RASGRF2: variants seen among roughly 807,000 people sequenced by gnomAD.
The protein encoded by RASGRF2 is Ras protein specific guanine nucleotide releasing factor 2.
In RASGRF2, 76 loss-of-function variants were observed where a neutral mutation model predicts 151.0. The ratio of observed to expected loss-of-function variants is 0.50; its 90% CI spans 0.42 to 0.61. The LOEUF (loss-of-function observed/expected upper bound fraction) is 0.61. Ranked by LOEUF, RASGRF2 falls within the 20% of genes least tolerant of loss-of-function variation. The pLI is 0.00. For missense variants in RASGRF2, 1,148 were observed against 1,564.6 expected, an observed-to-expected ratio of 0.73 and a Z score of 4.49; for synonymous variants, 504 against 566.5, an observed-to-expected ratio of 0.89 and a Z score of 1.57.
intron 1 of RASGRF2, among the ~76,000 whole-genome samples, chr5:81,033,327 C>G (rs1164846484): frequency 7.1e-6 from 1 of 140,006 alleles, no homozygotes; most frequent in Non-Finnish European, 1.6e-5. Flanking sequence ...CAAAAAAGAG[C>G]CTGCATTGCC....
intron 17 of RASGRF2, among the ~76,000 whole-genome samples, chr5:81,152,796 T>C (rs1377732883): frequency 1.3e-5 from 2 of 152,232 alleles, no homozygotes; most frequent in African/African-American, 2.4e-5. Context: ...ACAGTGGGTG[T>C]CTATGGCATT....
chr5:81,045,693 C>A (rs1000496766), intron 2 of RASGRF2, among the ~76,000 whole-genome samples: 18 of 138,158 alleles, frequency 1.3e-4, no homozygotes, highest in African/African-American at 4.5e-4. Flanking sequence ...TTGATAATTT[C>A]TTTTAATCTG....
At chr5:81,082,828 T>C (rs1752124391) in intron 7 of RASGRF2, among the ~76,000 whole-genome samples, 1 of 152,234 alleles carries the variant, frequency 6.6e-6, no homozygotes, top group Non-Finnish European at 1.5e-5. Flanking sequence ...GAGCCAGAAT[T>C]GTCCAACTGC....
At chr5:81,206,217 T>C (rs1335462082) in intron 19 of RASGRF2, among the ~76,000 whole-genome samples, 12 of 151,018 alleles carry the variant, frequency 7.9e-5, no homozygotes, top group Non-Finnish European at 2.9e-5. Context: ...ATCATTTATT[T>C]TTTTAAAAGA....
At chr5:81,059,462 A>G (rs1205700590) in intron 2 of RASGRF2, among the ~76,000 whole-genome samples, 1 of 151,438 alleles carries the variant, frequency 6.6e-6, no homozygotes, top group Non-Finnish European at 1.5e-5. Context: ...GGAAAACCTG[A>G]GACTTTCTAT....
intron 17 of RASGRF2, among the ~76,000 whole-genome samples, chr5:81,178,800 GCC>G (rs1754842325): frequency 1.3e-5 from 2 of 152,024 alleles, no homozygotes; most frequent in Non-Finnish European, 2.9e-5. Context: ...GTGCAGTGGC[GCC>G]GTCTTGGCTC....
chr5:81,087,300 G>A lies in RASGRF2; in HGVS notation c.1390+347G>A, dbSNP rs762845388. 6 of 703,078 alleles carry A rather than the reference G, an allele frequency of 8.5e-6. No individual in the cohort carries two copies. In the South Asian group the frequency reaches 8.9e-5, roughly 10 times the overall value. The allele number at this position is 703,078 out of a possible 1,614,324, so 43.6% of individuals were successfully genotyped here. On this transcript the variant is annotated intron_variant, in intron 9 of 26. Coordinates refer to ENST00000265080, the MANE Select transcript of RASGRF2 (RefSeq NM_006909.3). ...CAAGTGCTGACGATACCCAGGCCAA[G>A]GCCCAGGAGAAACTTGCGTTGCTCA...
intron 2 of RASGRF2, among the ~76,000 whole-genome samples, chr5:81,047,946 C>A (rs752623743): frequency 3.9e-5 from 6 of 152,160 alleles, no homozygotes; most frequent in Non-Finnish European, 8.8e-5. Flanking sequence ...TGCTTGTGGT[C>A]TCATCCTTGG....
intron 1 of RASGRF2, among the ~76,000 whole-genome samples, chr5:81,041,941 A>G (rs1373526005): frequency 6.6e-6 from 1 of 152,206 alleles, no homozygotes; most frequent in African/African-American, 2.4e-5. Flanking sequence ...AATCATATAT[A>G]GTATGTAACC....
At chr5:81,013,506 G>A (rs1005838839) in intron 1 of RASGRF2, among the ~76,000 whole-genome samples, 2 of 151,948 alleles carry the variant, frequency 1.3e-5, no homozygotes, top group Admixed American at 6.6e-5. Flanking sequence ...TAGACACGGA[G>A]CTCATGCACA....
At chr5:81,018,839 G>A (rs1399651792) in intron 1 of RASGRF2, among the ~76,000 whole-genome samples, 2 of 141,568 alleles carry the variant, frequency 1.4e-5, no homozygotes, top group Admixed American at 7.4e-5. Flanking sequence ...GTCTCACTGT[G>A]TCACCCAGGC....
intron 18 of RASGRF2, among the ~76,000 whole-genome samples, chr5:81,184,908 C>T (rs1385834825): frequency 1.3e-5 from 2 of 152,226 alleles, no homozygotes; most frequent in African/African-American, 4.8e-5. Context: ...TGCCCACTAA[C>T]AGCCACTGGA....
chr5:81,176,404 A>T (rs1754775581), intron 17 of RASGRF2, among the ~76,000 whole-genome samples: 1 of 152,202 alleles, frequency 6.6e-6, no homozygotes, highest in South Asian at 2.1e-4. Context: ...GCGCAGCATA[A>T]CCCAATTCTC....
In RASGRF2 at chr5:81,227,741, G is replaced by C. The variant is rs1756028402; in HGVS notation, c.*1971G>C. ...TGAACTAAAACCGGGACAAATCTGT[G>C]AGAGGACCACACACATACTAGTTTC... On this transcript the variant is annotated 3_prime_UTR_variant, in exon 27 of 27. Coordinates refer to ENST00000265080, the MANE Select transcript of RASGRF2 (RefSeq NM_006909.3). 1 of 152,244 alleles carries C rather than the reference G, an allele frequency of 6.6e-6. No homozygotes were observed. The highest frequency in any genetic ancestry group is 2.1e-4 in the South Asian group (1 of 4,834). 9.4% of individuals were successfully genotyped at this position (152,244 alleles called of 1,614,324 possible).
At chr5:81,172,288 T>C (rs1754674611) in intron 17 of RASGRF2, among the ~76,000 whole-genome samples, 1 of 152,164 alleles carries the variant, frequency 6.6e-6, no homozygotes, top group African/African-American at 2.4e-5. Context: ...TTAAAAAAAC[T>C]ATGAGAACAA....
At chr5:81,071,658 T>C (rs1005596084) in intron 4 of RASGRF2, among the ~76,000 whole-genome samples, 6 of 152,182 alleles carry the variant, frequency 3.9e-5, no homozygotes, top group Non-Finnish European at 8.8e-5. Flanking sequence ...ATTAATTTTT[T>C]TTTGAATCAA....
intron 17 of RASGRF2, among the ~76,000 whole-genome samples, chr5:81,165,081 G>A (rs373330646): frequency 1.3e-5 from 2 of 152,204 alleles, no homozygotes; most frequent in Non-Finnish European, 2.9e-5. Flanking sequence ...GCCCTTGAAC[G>A]GTGGGCGTTT....
At chr5:81,178,575 C>T (rs967880192) in intron 17 of RASGRF2, among the ~76,000 whole-genome samples, 1 of 152,062 alleles carries the variant, frequency 6.6e-6, no homozygotes, top group South Asian at 2.1e-4. Flanking sequence ...TAGGCCTAGA[C>T]GAGATTTCCT....
At chr5:80,961,245 A>T (rs1580139926) in intron 1 of RASGRF2, among the ~76,000 whole-genome samples, 1 of 152,294 alleles carries the variant, frequency 6.6e-6, no homozygotes. Context: ...CCAAGTGATC[A>T]GTCAGAATAG....
Sources: allele counts gnomAD v4.1 joint callset (sites outside exome capture counted in the v4.1 genomes callset), GRCh38; gene constraint gnomAD v4.1.1; transcripts MANE v1.5; gene names NCBI Gene and HGNC (gene_info 2026-07-23, HGNC 2026-07-21).